Variants in HIVEP3 observed in about 807,000 individuals in gnomAD.
The protein encoded by HIVEP3 is HIVEP zinc finger 3.
In HIVEP3, 49 loss-of-function variants were observed where a neutral mutation model predicts 152.8. That is an observed-to-expected ratio of 0.32 (90% confidence interval 0.26 to 0.41). The LOEUF (loss-of-function observed/expected upper bound fraction) is 0.41, where lower values mean the gene tolerates loss of function less well. HIVEP3 is among the 10% of genes least tolerant of loss of function. The probability of loss-of-function intolerance (pLI) is 1.00; values close to 1 mark genes in which losing one functional copy is unlikely to be tolerated. For synonymous variants in HIVEP3, 1,269 were observed against 1,289.0 expected, an observed-to-expected ratio of 0.98 and a Z score of 0.33; for missense variants, 2,790 against 3,103.3, an observed-to-expected ratio of 0.90 and a Z score of 2.40.
At chr1:41,587,534 TA>T (rs554845053) in intron 3 of HIVEP3, among the ~76,000 whole-genome samples, 258 of 152,342 alleles carry the variant, frequency 1.7e-3, no homozygotes, top group Admixed American at 3.1e-3. Flanking sequence ...ACAAAATGGT[TA>T]CCCTTACAAT....
At chr1:42,016,420 G>C (rs1355219786) in intron 1 of HIVEP3, among the ~76,000 whole-genome samples, 2 of 151,794 alleles carry the variant, frequency 1.3e-5, no homozygotes, top group Admixed American at 1.3e-4. Flanking sequence ...AGCATCTTCT[G>C]GTTATTAAAT....
At chr1:41,836,293 G>A (rs1643120431) in intron 1 of HIVEP3, among the ~76,000 whole-genome samples, 2 of 152,202 alleles carry the variant, frequency 1.3e-5, no homozygotes, top group Non-Finnish European at 2.9e-5. Context: ...AGCTGGGAGT[G>A]TGAGACCCAG....
At chr1:41,617,128 T>C (rs1414748992) in intron 3 of HIVEP3, among the ~76,000 whole-genome samples, 9 of 152,230 alleles carry the variant, frequency 5.9e-5, no homozygotes, top group Non-Finnish European at 8.8e-5. Context: ...AGCTGAATGA[T>C]GGACCATGGT....
intron 1 of HIVEP3, among the ~76,000 whole-genome samples, chr1:41,726,239 C>T (rs183445944): frequency 2.3e-4 from 35 of 152,244 alleles, no homozygotes; most frequent in Admixed American, 1.4e-3. Flanking sequence ...AAATCAAACC[C>T]GGGATGGACC....
intron 5 of HIVEP3, among the ~76,000 whole-genome samples, chr1:41,525,924 G>T (rs1195926538): frequency 6.6e-6 from 1 of 152,106 alleles, no homozygotes; most frequent in East Asian, 1.9e-4. Flanking sequence ...AAGCCTGAGA[G>T]GCCACTGGCA....
chr1:41,892,851 G>A (rs995336085), intron 1 of HIVEP3, among the ~76,000 whole-genome samples: 5 of 152,152 alleles, frequency 3.3e-5, no homozygotes, highest in Admixed American at 1.3e-4. Context: ...TGGGTACGGT[G>A]GCTCATGCCT....
Position 41,983,841 on chromosome 1 carries a change from G to A in HIVEP3, n.119+51966C>T, listed in dbSNP as rs574952257. Among the ~76,000 whole-genome samples the A allele has an allele frequency of 1.7e-4, 26 of 152,254 alleles. No homozygotes were observed. In the South Asian group the frequency reaches 4.8e-3, roughly 28 times the overall value. ...GATAAGTAACCTACTGGAAGGCTCC[G>A]TCTGCTACCCACCGTCCATAGGCAA... On this transcript the variant is annotated intron_variant and non_coding_transcript_variant, in intron 1 of 3. Transcript: ENST00000489103.
chr1:41,515,831 A>G (rs1041575121), intron 7 of HIVEP3, among the ~76,000 whole-genome samples: 1 of 152,194 alleles, frequency 6.6e-6, no homozygotes, highest in Non-Finnish European at 1.5e-5. Context: ...GGTCTGGCAC[A>G]CAGTAAGTAC....
intron 2 of HIVEP3, among the ~76,000 whole-genome samples, chr1:41,698,365 A>T (rs747884334): frequency 2.0e-5 from 3 of 152,110 alleles, no homozygotes; most frequent in Non-Finnish European, 4.4e-5. Flanking sequence ...CCCAGCACAG[A>T]TGTTATAACA....
At chr1:41,958,896 A>C (rs1325130136) in intron 1 of HIVEP3, among the ~76,000 whole-genome samples, 1 of 152,214 alleles carries the variant, frequency 6.6e-6, no homozygotes, top group African/African-American at 2.4e-5. Context: ...AGTCTGTCCA[A>C]GGGCATGTGG....
chr1:41,632,558 C>T (rs1645210968), intron 2 of HIVEP3, among the ~76,000 whole-genome samples: 1 of 152,066 alleles, frequency 6.6e-6, no homozygotes. Context: ...GAGATCGAGA[C>T]CATCCTGGCC....
At chr1:41,700,857 A>C in intron 2 of HIVEP3, 59 bp downstream of exon 2, 1 of 779,578 alleles carries the variant, frequency 1.3e-6, no homozygotes, top group African/African-American at 1.9e-5. Context: ...ACACAGCCTA[A>C]TGGCCTTTGG....
intron 1 of HIVEP3, among the ~76,000 whole-genome samples, chr1:41,780,383 G>A (rs1648972618): frequency 6.6e-6 from 1 of 152,206 alleles, no homozygotes; most frequent in South Asian, 2.1e-4. Flanking sequence ...AGAGAGTCAG[G>A]ACACCCATGG....
At chr1:41,719,147 G>A (rs1332128582) in intron 1 of HIVEP3, among the ~76,000 whole-genome samples, 1 of 152,228 alleles carries the variant, frequency 6.6e-6, no homozygotes, top group Non-Finnish European at 1.5e-5. Flanking sequence ...AGGTACCCTG[G>A]AAGACTTCCT....
chr1:41,948,498 G>T (rs1158805704), intron 1 of HIVEP3, among the ~76,000 whole-genome samples: 1 of 151,316 alleles, frequency 6.6e-6, no homozygotes, highest in Non-Finnish European at 1.5e-5. Context: ...GAAAGAAAAG[G>T]AAAGGGAAAT....
chr1:41,883,792 CCT>C (rs1644300013), intron 1 of HIVEP3, among the ~76,000 whole-genome samples: 2 of 152,130 alleles, frequency 1.3e-5, no homozygotes, highest in Non-Finnish European at 2.9e-5. Context: ...GTCGCTGACC[CCT>C]GTCCCAGAGC....
At chr1:41,531,724 G>T (rs1271203310) in intron 5 of HIVEP3, among the ~76,000 whole-genome samples, 1 of 96,392 alleles carries the variant, frequency 1.0e-5, no homozygotes, top group Non-Finnish European at 2.2e-5. Context: ...AGAGATGGAA[G>T]ACAGGGGCGA....
intron 1 of HIVEP3, among the ~76,000 whole-genome samples, chr1:41,786,044 G>A (rs1052415464): frequency 6.6e-6 from 1 of 152,188 alleles, no homozygotes; most frequent in Admixed American, 6.5e-5. Context: ...AGGGTGTTGG[G>A]AGATGTAGTG....
intron 1 of HIVEP3, among the ~76,000 whole-genome samples, chr1:41,916,479 G>A (rs1644873533): frequency 6.6e-6 from 1 of 152,180 alleles, no homozygotes; most frequent in East Asian, 1.9e-4. Context: ...TATCCTGTGG[G>A]TGCCTTAACT....
Sources: allele counts gnomAD v4.1 joint callset (sites outside exome capture counted in the v4.1 genomes callset), GRCh38; gene constraint gnomAD v4.1.1; transcripts MANE v1.5; gene names NCBI Gene and HGNC (gene_info 2026-07-23, HGNC 2026-07-21).